DNAH10: variants seen among roughly 807,000 people sequenced by gnomAD.
The protein encoded by DNAH10 is dynein axonemal heavy chain 10, also known as axonemal beta dynein heavy chain 10.
Under a neutral mutation model 506.6 loss-of-function variants are expected in DNAH10, and 348 were observed. That is an observed-to-expected ratio of 0.69 (90% CI 0.63 to 0.75). DNAH10 has a LOEUF of 0.75. Among genes scored for constraint, DNAH10 ranks in the 30% least tolerant of loss-of-function variants. The pLI, the probability that DNAH10 is intolerant of heterozygous loss-of-function variation, is 0.00. For synonymous variants in DNAH10, 2,059 were observed against 2,198.6 expected (o/e 0.94, Z 1.78); for missense variants, 5,179 against 5,787.1 (o/e 0.89, Z 3.41).
At chr12:123,816,618 C>A (rs906670939) in intron 21 of DNAH10, among the ~76,000 whole-genome samples, 2 of 152,146 alleles carry the variant, frequency 1.3e-5, no homozygotes, top group Non-Finnish European at 2.9e-5. Flanking sequence ...GTAAAGTGTC[C>A]TTCTGAGTTC....
intron 53 of DNAH10, among the ~76,000 whole-genome samples, chr12:123,894,175 C>T (rs1219999086): frequency 1.3e-5 from 2 of 149,456 alleles, no homozygotes; most frequent in Non-Finnish European, 3.0e-5. Context: ...ACTGCAGCCT[C>T]GACCTCCTGG....
intron 17 of DNAH10, among the ~76,000 whole-genome samples, chr12:123,804,473 C>T (rs888416390): frequency 4.0e-5 from 6 of 151,078 alleles, no homozygotes; most frequent in African/African-American, 1.5e-4. Context: ...TGCAGTGAGC[C>T]CAGATCGCAC....
At chr12:123,784,323 G>C in intron 8 of DNAH10, 146 bp downstream of exon 8, 1 of 786,808 alleles carries the variant, frequency 1.3e-6, no homozygotes, top group Non-Finnish European at 2.0e-6. Context: ...GAGGTGGGCA[G>C]ATCGCTTGAG....
chr12:123,862,960 G>C (rs1225544331), intron 39 of DNAH10, among the ~76,000 whole-genome samples: 2 of 152,074 alleles, frequency 1.3e-5, no homozygotes, highest in Non-Finnish European at 1.5e-5. Flanking sequence ...GCAAAAAAAC[G>C]TAACAATTGG....
rs1054693338 is a variant in DNAH10, at chr12:123,902,894, C to A, written c.9641-45C>A. The A allele has an allele frequency of 1.8e-5, 27 of 1,536,886 alleles. No homozygotes were observed. The highest frequency in any genetic ancestry group is 2.1e-5 in the Non-Finnish European group (24 of 1,139,588). Reference sequence around the variant, plus strand: ...CTCAGAGCCGGGGCCGCGAGTGCATCTCCTCTGAGCCCAAGCTTTACTCAC... The same window carrying A: ...CTCAGAGCCGGGGCCGCGAGTGCATATCCTCTGAGCCCAAGCTTTACTCAC... On this transcript the variant is annotated intron_variant, in intron 56 of 78. Transcript: ENST00000673944. The surrounding 1 kb of genome is among the most constrained non-coding windows in gnomAD (Gnocchi z 4.5).
Position 123,907,392 on chromosome 12 carries a change from G to A in DNAH10, c.9816-1869G>A, listed in dbSNP as rs1953833395. 6.6e-6 allele frequency among the ~76,000 whole-genome samples: 1 copy of A among 152,172 alleles called. No homozygotes were observed. Among genetic ancestry groups the A allele is most frequent in the Non-Finnish European group, 1.5e-5 (1 of 68,032 alleles). ...TTCTCCCTTTCTCATTCCTGAGTTT[G>A]TTTTGTGATAGAAGAAAGGAATCAA... On this transcript the variant is annotated intron_variant, in intron 57 of 78. Transcript: ENST00000673944. This position sits in a 1 kb window ranked among gnomAD's most constrained non-coding sequence, Gnocchi z 4.4.
intron 78 of DNAH10, 121 bp from the exon 79 acceptor site, chr12:123,935,214 C>A: frequency 8.3e-7 from 1 of 1,205,498 alleles, no homozygotes; most frequent in Non-Finnish European, 1.2e-6. Flanking sequence ...CAGCCTTGTG[C>A]GTGTTCTCAG....
chr12:123,917,703 A>G lies in DNAH10; in HGVS notation c.11122A>G (p.Lys3708Glu). ...QETSENKNLL[K>E]DLEDSLLREL... ...GACCAGCGAGAACAAGAACCTGCTC[A>G]AGGACCTGGAAGATTCCCTCCTTCG... Residue 3708 changes from lysine to glutamate, a missense_variant, in exon 64 of 79, where the codon AAG becomes GAG. Physicochemically the swap from Lys to Glu is moderately conservative, Grantham distance 56. This residue lies in a region of DNAH10 where 4,844 missense variants were observed against 5,430.5 expected (regional missense o/e 0.89). Transcript: ENST00000673944. This position sits in a 1 kb window ranked among gnomAD's most constrained non-coding sequence, Gnocchi z 5.6. 1 of 1,559,414 alleles carries G rather than the reference A, an allele frequency of 6.4e-7. No homozygotes were observed. Among genetic ancestry groups the G allele is most frequent in the Middle Eastern group, 1.7e-4 (1 of 6,002 alleles).
intron 11 of DNAH10, among the ~76,000 whole-genome samples, chr12:123,793,488 A>G (rs914248401): frequency 1.3e-4 from 20 of 151,646 alleles, no homozygotes; most frequent in African/African-American, 4.8e-4. Flanking sequence ...ACAGGCGCCC[A>G]CCACCATGCC....
rs1374126488 is a variant in DNAH10, at chr12:123,762,404, A to C, written c.68A>C (p.Gln23Pro). 1 of 1,400,202 alleles carries C rather than the reference A, an allele frequency of 7.1e-7. No individual in the cohort carries two copies. The highest frequency in any genetic ancestry group is 9.3e-7 in the Non-Finnish European group (1 of 1,073,328). 86.7% of individuals were successfully genotyped at this position (1,400,202 alleles called of 1,614,324 possible). A position where few individuals can be genotyped will look rare whatever the true frequency, so the allele number is the denominator to read the frequency against. The stretch of plus-strand genomic sequence containing the variant: ...GCGGCTTTCGGCATCACCGACCCCC[A>C]GCTTTTCGAGGACCTGCTCAACCGC... ...VYAAFGITDP[Q>P]LFEDLLNRDD... The change falls in exon 1 of 79, where the codon CAG becomes CCG. Residue 23 changes from glutamine to proline, a missense_variant. Physicochemically the swap from Gln to Pro is moderately conservative, Grantham distance 76. Transcript: ENST00000673944. This position sits in a 1 kb window ranked among gnomAD's most constrained non-coding sequence, Gnocchi z 5.0.
intron 40 of DNAH10, 28 bp from the exon 41 acceptor site, chr12:123,865,923 C>T (rs916311054): frequency 1.9e-6 from 3 of 1,588,108 alleles, no homozygotes; most frequent in Non-Finnish European, 2.6e-6. Flanking sequence ...ATAGCTATAG[C>T]CATGATTGAT....
At chr12:123,778,668 C>G (rs1403681306) in intron 5 of DNAH10, among the ~76,000 whole-genome samples, 1 of 151,604 alleles carries the variant, frequency 6.6e-6, no homozygotes, top group Non-Finnish European at 1.5e-5. Context: ...TGCACTCCAG[C>G]CTGGGTGACA....
In DNAH10 at chr12:123,925,460, A is replaced by G; in HGVS notation, c.11921+256A>G. Reference sequence around the variant, plus strand: ...CTACATTAGAAAAGAAATGGGCGCAATTAATTGTAATAACATTTTATTTAA... The same window carrying G: ...CTACATTAGAAAAGAAATGGGCGCAGTTAATTGTAATAACATTTTATTTAA... On this transcript the variant is annotated intron_variant, in intron 68 of 78. Coordinates refer to ENST00000673944, the MANE Select transcript of DNAH10 (RefSeq NM_001372106.1). This position sits in a 1 kb window ranked among gnomAD's most constrained non-coding sequence, Gnocchi z 4.0. The G allele has an allele frequency of 5.2e-6, 2 of 383,340 alleles. No homozygotes were observed. The highest frequency in any genetic ancestry group is 9.2e-6 in the Non-Finnish European group (2 of 216,648). The allele number at this position is 383,340 out of a possible 1,614,324, so 23.7% of individuals were successfully genotyped here.
chr12:123,881,535 T>A (rs1952505612), intron 50 of DNAH10, 90 bp from the exon 51 acceptor site: 1 of 1,284,094 alleles, frequency 7.8e-7, no homozygotes, highest in African/African-American at 1.6e-5. Flanking sequence ...AAGTTCTTTG[T>A]AGATTCTGGA....
chr12:123,776,780 G>A (rs1036248389), intron 5 of DNAH10, among the ~76,000 whole-genome samples: 3 of 152,162 alleles, frequency 2.0e-5, no homozygotes, highest in East Asian at 1.9e-4. Context: ...CAGGGCATCC[G>A]TCTAGCAAAT....
intron 26 of DNAH10, among the ~76,000 whole-genome samples, chr12:123,831,860 G>A (rs1179657249): frequency 7.3e-5 from 11 of 149,920 alleles, no homozygotes; most frequent in East Asian, 2.0e-4. Flanking sequence ...AGCCGAGATC[G>A]CACCACTGCA....
chr12:123,786,087 C>T, intron 9 of DNAH10, 151 bp downstream of exon 9: 1 of 978,442 alleles, frequency 1.0e-6, no homozygotes, highest in Admixed American at 2.9e-5. Context: ...CACAGTGGTG[C>T]ACACCTGTAA....
At position 123,809,554 on chromosome 12, in the gene DNAH10, G is replaced by A. The variant is rs565492090; in HGVS notation, c.3144+601G>A. Among the ~76,000 whole-genome samples, 20 of 152,144 alleles carry A rather than the reference G, an allele frequency of 1.3e-4. No homozygotes were observed. In the South Asian group the frequency reaches 3.7e-3, roughly 28 times the overall value. On this transcript the variant is annotated intron_variant, in intron 19 of 78. Transcript: ENST00000673944. ...GTTCCTAGCTACTTGGGAGGCTGAG[G>A]CAGAGGATTGCTTGAGCCCAGGAGT...
At position 123,785,760 on chromosome 12, in the gene DNAH10, G is replaced by A. The variant is rs1490156344; in HGVS notation, c.1245G>A (p.Gly415=). Residue 415 remains glycine, a synonymous_variant, in exon 9 of 79, where the codon GGG becomes GGA. Transcript: ENST00000673944. This position sits in a 1 kb window ranked among gnomAD's most constrained non-coding sequence, Gnocchi z 4.1. ...VERYFKNITH[G]SGFHVVLDTI... ...CTCTTGGTCAGAACATAACGCACGG[G>A]TCTGGCTTCCACGTGGTCCTGGACA... The A allele has an allele frequency of 2.5e-6, 4 of 1,612,794 alleles. No individual in the cohort carries two copies. Among genetic ancestry groups the A allele is most frequent in the African/African-American group, 2.7e-5 (2 of 74,894 alleles).
Sources: gnomAD v4.1 joint callset for allele counts (sites outside exome capture counted in the v4.1 genomes callset) on GRCh38, gnomAD v4.1.1 for gene constraint, gnomAD v4.1.1 regional missense constraint, Gnocchi (gnomAD v3.1) non-coding constraint, MANE v1.5 for transcripts, NCBI Gene and HGNC (gene_info 2026-07-23, HGNC 2026-07-21) for gene names.